The following PTPRD variants were observed in gnomAD, a reference collection of about 807,000 sequenced individuals.
PTPRD encodes receptor-type tyrosine-protein phosphatase delta.
A neutral mutation model predicts 214.5 loss-of-function variants in PTPRD; 34 were observed. The ratio of observed to expected loss-of-function variants is 0.16; its 90% confidence interval spans 0.12 to 0.21. The LOEUF is 0.21. PTPRD is among the 10% of genes least tolerant of loss of function. The pLI, the probability that PTPRD is intolerant of heterozygous loss-of-function variation, is 1.00. For missense variants in PTPRD, 2,545 were observed against 2,398.7 expected, an observed-to-expected ratio of 1.06 and a Z score of -1.27; for synonymous variants, 1,128 against 845.7, an observed-to-expected ratio of 1.33 and a Z score of -5.79.
At position 10,036,179 on chromosome 9, in the gene PTPRD, A is replaced by C. The variant is rs541342197; in HGVS notation, c.-544-2389T>G. Among the ~76,000 whole-genome samples, 70 of 152,312 alleles carry C rather than the reference A, an allele frequency of 4.6e-4. 1 individual carries two copies. The South Asian group carries it at 0.014, about 31-fold the overall frequency. ...TTTAATAATTATTTTAATAAAAGTC[A>C]GAACAGGTTAGGACTGACAGTCTAC... On this transcript the variant is annotated intron_variant, in intron 3 of 45. Transcript: ENST00000381196.
At chr9:9,248,972 A>G (rs990147450) in intron 9 of PTPRD, among the ~76,000 whole-genome samples, 6 of 152,012 alleles carry the variant, frequency 3.9e-5, no homozygotes, top group African/African-American at 1.4e-4. Context: ...TTGCTTTTGA[A>G]CGGGAGTCAT....
At chr9:9,176,994 A>G (rs1246447232) in intron 10 of PTPRD, among the ~76,000 whole-genome samples, 5 of 152,258 alleles carry the variant, frequency 3.3e-5, no homozygotes, top group Admixed American at 1.3e-4. Context: ...TTCTGTCTGT[A>G]TATCCTAATG....
intron 7 of PTPRD, among the ~76,000 whole-genome samples, chr9:9,696,060 G>T (rs529728932): frequency 6.6e-6 from 1 of 151,844 alleles, no homozygotes; most frequent in Non-Finnish European, 1.5e-5. Context: ...TTACAGCTTC[G>T]ACCTTGTTAG....
At chr9:9,322,867 A>G (rs138499410) in intron 9 of PTPRD, among the ~76,000 whole-genome samples, 1,537 of 152,304 alleles carry the variant, frequency 0.01, 12 homozygotes, top group South Asian at 0.02. Context: ...AGACCTAGCT[A>G]AAACCAAGAT....
intron 9 of PTPRD, among the ~76,000 whole-genome samples, chr9:9,201,263 G>C (rs959871453): frequency 7.2e-5 from 11 of 152,186 alleles, no homozygotes; most frequent in Admixed American, 4.6e-4. Context: ...GCTGACTTAA[G>C]TAGAAGGAAA....
intron 6 of PTPRD, among the ~76,000 whole-genome samples, chr9:9,742,369 A>G (rs1304939061): frequency 6.6e-6 from 1 of 152,152 alleles, no homozygotes; most frequent in Non-Finnish European, 1.5e-5. Context: ...TGTGACCTTC[A>G]CTTTCACCTT....
chr9:10,308,081 T>C (rs2096143251), intron 3 of PTPRD, among the ~76,000 whole-genome samples: 1 of 152,026 alleles, frequency 6.6e-6, no homozygotes, highest in Non-Finnish European at 1.5e-5. Context: ...ATAGTTTTAT[T>C]TGTCTATTTT....
chr9:9,760,427 AT>A (rs1466363268), intron 6 of PTPRD, among the ~76,000 whole-genome samples: 1 of 151,968 alleles, frequency 6.6e-6, no homozygotes, highest in Non-Finnish European at 1.5e-5. Flanking sequence ...AGGGCTTGAT[AT>A]TTTTGCCCTC....
chr9:8,413,253 G>C (rs751633544), intron 35 of PTPRD, among the ~76,000 whole-genome samples: 1 of 151,970 alleles, frequency 6.6e-6, no homozygotes, highest in Non-Finnish European at 1.5e-5. Flanking sequence ...TTAAGTCTTT[G>C]TTTCTTTTTC....
At chr9:8,515,158 T>A (rs2097761890) in intron 21 of PTPRD, among the ~76,000 whole-genome samples, 1 of 152,198 alleles carries the variant, frequency 6.6e-6, no homozygotes, top group Admixed American at 6.5e-5. Flanking sequence ...TCCCTGGATT[T>A]AAATTCTGCT....
chr9:9,011,513 C>G (rs911684740), intron 11 of PTPRD, among the ~76,000 whole-genome samples: 5 of 152,058 alleles, frequency 3.3e-5, no homozygotes, highest in Admixed American at 6.6e-5. Flanking sequence ...CTGTGTTATT[C>G]AAAGGCCTAA....
At chr9:9,442,794 A>C (rs12376687) in intron 8 of PTPRD, among the ~76,000 whole-genome samples, 21,149 of 152,146 alleles carry the variant, frequency 0.14, 1,574 homozygotes, top group Middle Eastern at 0.29. Context: ...CGGTGGTTTT[A>C]ATGTTTCTGT....
At chr9:9,837,332 C>T (rs780161934) in intron 5 of PTPRD, among the ~76,000 whole-genome samples, 5 of 152,128 alleles carry the variant, frequency 3.3e-5, no homozygotes, top group Admixed American at 6.6e-5. Context: ...GTTACAATAT[C>T]TAACACAGGA....
chr9:9,913,616 C>T (rs1171147102), intron 5 of PTPRD, among the ~76,000 whole-genome samples: 3 of 152,128 alleles, frequency 2.0e-5, no homozygotes, highest in Admixed American at 6.5e-5. Flanking sequence ...CTCCCCAACC[C>T]TGATCTAATT....
intron 3 of PTPRD, among the ~76,000 whole-genome samples, chr9:10,223,210 C>G (rs1028616030): frequency 1.6e-4 from 25 of 151,810 alleles, no homozygotes; most frequent in Non-Finnish European, 3.1e-4. Flanking sequence ...CTTACCCTCT[C>G]CCCCTTCTCC....
intron 9 of PTPRD, among the ~76,000 whole-genome samples, chr9:9,265,689 C>T (rs1939130329): frequency 1.3e-5 from 2 of 148,350 alleles, no homozygotes; most frequent in African/African-American, 2.5e-5. Context: ...CTCAGATTAA[C>T]AAAAAAAAGC....
intron 29 of PTPRD, among the ~76,000 whole-genome samples, 167 bp downstream of exon 29, chr9:8,485,060 C>T (rs2096970058): frequency 6.6e-6 from 1 of 152,184 alleles, no homozygotes; most frequent in Admixed American, 6.5e-5. Context: ...GTGTAAAGGA[C>T]ACACTTACAA....
chr9:8,757,141 C>A (rs1422851633), intron 11 of PTPRD, among the ~76,000 whole-genome samples: 1 of 151,856 alleles, frequency 6.6e-6, no homozygotes, highest in Non-Finnish European at 1.5e-5. Context: ...GACTCCATCT[C>A]AAAATAATAA....
chr9:9,589,430 C>T (rs1017007085), intron 7 of PTPRD, among the ~76,000 whole-genome samples: 1 of 151,654 alleles, frequency 6.6e-6, no homozygotes, highest in Non-Finnish European at 1.5e-5. Context: ...AAATATAGAA[C>T]AAGTAATACT....
Sources: gnomAD v4.1 joint callset for allele counts (sites outside exome capture counted in the v4.1 genomes callset) on GRCh38, gnomAD v4.1.1 for gene constraint, MANE v1.5 for transcripts, NCBI Gene and HGNC (gene_info 2026-07-23, HGNC 2026-07-21) for gene names.